The following KCNJ6 variants were observed in gnomAD, a reference collection of about 807,000 sequenced individuals.
KCNJ6 encodes potassium inwardly rectifying channel subfamily J member 6, also known as G protein-activated inward rectifier potassium channel 2.
Under a neutral mutation model 34.2 loss-of-function variants are expected in KCNJ6, and 9 were observed. The observed-to-expected ratio is 0.26, with a 90% CI of 0.16 to 0.46. The LOEUF (loss-of-function observed/expected upper bound fraction) is 0.46. Among genes scored for constraint, KCNJ6 ranks in the 20% least tolerant of loss-of-function variants. The pLI is 1.00. For missense variants in KCNJ6, 236 were observed against 531.3 expected, an observed-to-expected ratio of 0.44 and a Z score of 5.46; for synonymous variants, 196 against 207.1, an observed-to-expected ratio of 0.95 and a Z score of 0.46.
chr21:37,888,837 T>C (rs954300508), intron 1 of KCNJ6, among the ~76,000 whole-genome samples: 1 of 152,028 alleles, frequency 6.6e-6, no homozygotes, highest in African/African-American at 2.4e-5. Flanking sequence ...CCAGCAGAGG[T>C]GTGTGGTTTG....
intron 3 of KCNJ6, among the ~76,000 whole-genome samples, chr21:37,711,154 T>G (rs1481844602): frequency 6.6e-6 from 1 of 152,224 alleles, no homozygotes; most frequent in Admixed American, 6.5e-5. Flanking sequence ...AAATGGAACC[T>G]GACCCTGCAA....
At chr21:37,910,948 T>C (rs541828763) in intron 1 of KCNJ6, among the ~76,000 whole-genome samples, 1 of 152,330 alleles carries the variant, frequency 6.6e-6, no homozygotes, top group African/African-American at 2.4e-5. Context: ...AATGATTCAA[T>C]TTAGTAACAA....
intron 2 of KCNJ6, among the ~76,000 whole-genome samples, chr21:37,834,698 A>C (rs2055443338): frequency 6.6e-6 from 1 of 152,210 alleles, no homozygotes; most frequent in African/African-American, 2.4e-5. Context: ...CTCTGTCTTC[A>C]TTTCATCTGA....
intron 3 of KCNJ6, 120 bp from the exon 4 acceptor site, chr21:37,625,604 C>A (rs2054307363): frequency 3.0e-6 from 2 of 659,926 alleles, no homozygotes; most frequent in Non-Finnish European, 5.2e-6. Context: ...GCATACGATG[C>A]CACACTTAGT....
rs140992478 is a variant in KCNJ6, at chr21:37,658,285, G to A, written c.947-32801C>T. ...ATGGAAGTATTTGGTCCCTGAAGACGAGCATGACATTGCGATTTAGCTTGG... is the reference window on the plus strand; with the variant it reads ...ATGGAAGTATTTGGTCCCTGAAGACAAGCATGACATTGCGATTTAGCTTGG... On this transcript the variant is annotated intron_variant, in intron 3 of 3. Coordinates refer to ENST00000609713, the MANE Select transcript of KCNJ6 (RefSeq NM_002240.5). Among the ~76,000 whole-genome samples the A allele has an allele frequency of 3.3e-5, 5 of 152,346 alleles. No homozygotes were observed. In the South Asian group the frequency reaches 6.2e-4, roughly 19 times the overall value.
chr21:37,743,191 C>G (rs1397941363), intron 2 of KCNJ6, among the ~76,000 whole-genome samples: 1 of 152,178 alleles, frequency 6.6e-6, no homozygotes, highest in Non-Finnish European at 1.5e-5. Flanking sequence ...AGCAACTATG[C>G]TTTACTCATT....
rs953872303 is a variant in KCNJ6 at position 37,867,576 on chromosome 21, T to C, written c.-27-26867A>G. Among the ~76,000 whole-genome samples the C allele has an allele frequency of 3.3e-5, 5 of 152,238 alleles. No homozygotes were observed. In the East Asian group the frequency reaches 7.7e-4, roughly 23 times the overall value. On this transcript the variant is annotated intron_variant, in intron 1 of 3. Transcript: ENST00000609713. ...AACATTTGTTTACGTATTTGTACTT[T>C]ATATCCTACCTGCTTCCAAAAACAA...
chr21:37,901,009 T>TCC (rs145811280), intron 1 of KCNJ6, among the ~76,000 whole-genome samples: 2,307 of 149,470 alleles, frequency 0.015, 29 homozygotes, highest in Middle Eastern at 0.031. Context: ...CACTTCTGCC[T>TCC]CCCCCTTCCT....
chr21:37,839,063 T>C (rs1475102327), intron 2 of KCNJ6, among the ~76,000 whole-genome samples: 2 of 152,234 alleles, frequency 1.3e-5, no homozygotes, highest in African/African-American at 4.8e-5. Flanking sequence ...CCATGCTTCC[T>C]GTACAGCCTG....
At chr21:37,646,586 G>A (rs543647958) in intron 3 of KCNJ6, among the ~76,000 whole-genome samples, 71 of 152,296 alleles carry the variant, frequency 4.7e-4, no homozygotes, top group Non-Finnish European at 8.8e-4. Context: ...CCGGTGTGCC[G>A]GGCGATGTTC....
intron 2 of KCNJ6, among the ~76,000 whole-genome samples, chr21:37,724,203 G>A (rs543896203): frequency 1.3e-5 from 2 of 152,218 alleles, no homozygotes; most frequent in East Asian, 3.9e-4. Flanking sequence ...GAAGAGCAGT[G>A]GTATGGAGTA....
intron 1 of KCNJ6, among the ~76,000 whole-genome samples, chr21:37,885,794 A>T (rs1428662202): frequency 6.6e-6 from 1 of 152,230 alleles, no homozygotes; most frequent in Non-Finnish European, 1.5e-5. Context: ...AAGCCCAGCC[A>T]AGCCTGCACT....
intron 3 of KCNJ6, among the ~76,000 whole-genome samples, chr21:37,645,939 A>G (rs2054402377): frequency 8.1e-6 from 1 of 123,700 alleles, no homozygotes. Context: ...AACGGGGGTA[A>G]AAATCCACTT....
intron 2 of KCNJ6, among the ~76,000 whole-genome samples, chr21:37,751,616 G>A (rs1163168185): frequency 1.3e-5 from 2 of 152,196 alleles, no homozygotes; most frequent in Non-Finnish European, 2.9e-5. Context: ...CAACTCTGAG[G>A]GTGAGTTCCC....
chr21:37,886,916 C>G (rs2055738350), intron 1 of KCNJ6, among the ~76,000 whole-genome samples: 1 of 151,780 alleles, frequency 6.6e-6, no homozygotes, highest in Non-Finnish European at 1.5e-5. Flanking sequence ...TTTCCCCCAC[C>G]ACCTGATCCA....
intron 3 of KCNJ6, among the ~76,000 whole-genome samples, chr21:37,712,187 A>AGTC (rs2054756530): frequency 6.6e-6 from 1 of 152,004 alleles, no homozygotes; most frequent in Admixed American, 6.5e-5. Context: ...TAGCATCAGT[A>AGTC]ACCAGAGGGT....
intron 1 of KCNJ6, among the ~76,000 whole-genome samples, chr21:37,879,222 AG>A (rs2055694298): frequency 6.6e-6 from 1 of 152,142 alleles, no homozygotes. Flanking sequence ...GGGCCATGGC[AG>A]GTTTATGACT....
chr21:37,709,300 TG>T (rs879376415), intron 3 of KCNJ6, among the ~76,000 whole-genome samples: 3 of 152,018 alleles, frequency 2.0e-5, no homozygotes, highest in Admixed American at 2.0e-4. Context: ...TCACCTGAGG[TG>T]GGGAGTTCCA....
intron 2 of KCNJ6, among the ~76,000 whole-genome samples, chr21:37,768,913 T>C (rs2055104021): frequency 6.6e-6 from 1 of 152,200 alleles, no homozygotes; most frequent in Non-Finnish European, 1.5e-5. Flanking sequence ...GGAGCCCACC[T>C]ACCTGAAGGG....
Sources: allele counts gnomAD v4.1 joint callset (sites outside exome capture counted in the v4.1 genomes callset), GRCh38; gene constraint gnomAD v4.1.1; transcripts MANE v1.5; gene names NCBI Gene and HGNC (gene_info 2026-07-23, HGNC 2026-07-21).